Variants in RPH3A observed in about 807,000 individuals in gnomAD.
The protein encoded by RPH3A is rabphilin-3A.
In RPH3A, 48 loss-of-function variants were observed where a neutral mutation model predicts 102.2. That is an observed-to-expected ratio of 0.47 (90% CI 0.37 to 0.60). The LOEUF (loss-of-function observed/expected upper bound fraction) is 0.60. Among genes scored for constraint, RPH3A ranks in the 20% least tolerant of loss-of-function variants. RPH3A has a pLI of 0.00. For missense variants in RPH3A, 781 were observed against 910.1 expected, an observed-to-expected ratio of 0.86 and a Z score of 1.83; for synonymous variants, 310 against 324.3, an observed-to-expected ratio of 0.96 and a Z score of 0.47.
chr12:112,764,561 G>A (rs1192016001), intron 1 of RPH3A, among the ~76,000 whole-genome samples: 1 of 152,122 alleles, frequency 6.6e-6, no homozygotes, highest in Non-Finnish European at 1.5e-5. Context: ...GTCCTTTCTA[G>A]TCTGCTGGCC....
chr12:112,732,016 T>A (rs568336982), intron 1 of RPH3A, among the ~76,000 whole-genome samples: 2 of 152,256 alleles, frequency 1.3e-5, no homozygotes, highest in African/African-American at 4.8e-5. Context: ...CAGATAACTA[T>A]GTTTGATTAA....
intron 10 of RPH3A, among the ~76,000 whole-genome samples, chr12:112,874,476 C>T (rs936430092): frequency 6.6e-6 from 1 of 152,150 alleles, no homozygotes; most frequent in Admixed American, 6.5e-5. Context: ...ACATGGTAAG[C>T]ACTAAATAAG....
intron 5 of RPH3A, among the ~76,000 whole-genome samples, chr12:112,854,380 A>C (rs886322284): frequency 2.6e-5 from 4 of 152,270 alleles, no homozygotes; most frequent in Admixed American, 2.6e-4. Context: ...GACAACTCTT[A>C]TTGGCATCAT....
intron 5 of RPH3A, among the ~76,000 whole-genome samples, chr12:112,854,135 A>G (rs2042371077): frequency 6.6e-6 from 1 of 152,126 alleles, no homozygotes; most frequent in African/African-American, 2.4e-5. Context: ...TACATTGTCA[A>G]CTGTTCAGCA....
intron 2 of RPH3A, among the ~76,000 whole-genome samples, chr12:112,811,004 G>C (rs536662871): frequency 1.3e-5 from 2 of 152,050 alleles, no homozygotes; most frequent in African/African-American, 2.4e-5. Context: ...AAGAGAGAGC[G>C]AGAGGGAGTC....
chr12:112,787,715 A>C (rs2041061098), upstream of RPH3A, among the ~76,000 whole-genome samples: 2 of 152,230 alleles, frequency 1.3e-5, no homozygotes, highest in African/African-American at 2.4e-5. Flanking sequence ...TCTCAGTTTC[A>C]TAGAACAGAA....
intron 1 of RPH3A, among the ~76,000 whole-genome samples, chr12:112,774,746 G>C (rs934368191): frequency 2.6e-5 from 4 of 152,034 alleles, no homozygotes; most frequent in African/African-American, 9.7e-5. Flanking sequence ...ATGGACACAG[G>C]GAGGGGAACA....
intron 10 of RPH3A, among the ~76,000 whole-genome samples, chr12:112,870,682 G>A (rs929259734): frequency 1.4e-4 from 21 of 152,108 alleles, no homozygotes; most frequent in African/African-American, 5.1e-4. Flanking sequence ...AGTCAGATTG[G>A]CTGAATATTT....
chr12:112,619,742 T>C (rs1314145165), intron 1 of RPH3A, among the ~76,000 whole-genome samples: 3 of 152,140 alleles, frequency 2.0e-5, no homozygotes, highest in Non-Finnish European at 4.4e-5. Context: ...TCCTAGTGAG[T>C]ATGAAGTCTG....
intron 1 of RPH3A, among the ~76,000 whole-genome samples, chr12:112,677,395 CTCCCTCCCTCCCTCCTTCCCTCCT>C (rs2040185664): frequency 1.5e-5 from 1 of 67,222 alleles, no homozygotes; most frequent in African/African-American, 5.3e-5. Flanking sequence ...CCCTCCCTCC[CTCCCTCCCTCCCTCCTTCCCTCCT>C]TCCTTCCTTC....
chr12:112,653,247 G>T (rs1231745780), intron 1 of RPH3A, among the ~76,000 whole-genome samples: 1 of 151,526 alleles, frequency 6.6e-6, no homozygotes, highest in Non-Finnish European at 1.5e-5. Flanking sequence ...AAATTAGCCT[G>T]TATTCCCAGC....
Position 112,890,891 on chromosome 12 carries a change from C to T in RPH3A, c.1663C>T (p.Leu555=). The change falls in exon 19 of 22, where the codon CTG becomes TTG. Residue 555 remains leucine, a synonymous_variant. Transcript: ENST00000389385. ...VGDIEERGKI[L]VSLMYSTQQG... ...TGACATCGAGGAGCGTGGCAAGATC[C>T]TGGTCTCCCTCATGTACAGCACACA... 1 of 1,614,052 alleles carries T rather than the reference C, an allele frequency of 6.2e-7. No homozygotes were observed. Among genetic ancestry groups the T allele is most frequent in the Non-Finnish European group, 8.5e-7 (1 of 1,179,978 alleles).
At chr12:112,786,196 T>A (rs1480420215) in intron 1 of RPH3A, among the ~76,000 whole-genome samples, 1 of 152,044 alleles carries the variant, frequency 6.6e-6, no homozygotes, top group Non-Finnish European at 1.5e-5. Context: ...AACGTGGAAT[T>A]GACTGATTAA....
At chr12:112,787,399 C>T (rs1469559813), upstream of RPH3A, among the ~76,000 whole-genome samples, 2 of 152,216 alleles carry the variant, frequency 1.3e-5, no homozygotes, top group African/African-American at 4.8e-5. Context: ...ACACCCCATT[C>T]TCCCCCTCTT....
At chr12:112,836,657 C>T (rs1161052827) in intron 4 of RPH3A, among the ~76,000 whole-genome samples, 155 bp downstream of exon 4, 1 of 151,710 alleles carries the variant, frequency 6.6e-6, no homozygotes, top group Non-Finnish European at 1.5e-5. Flanking sequence ...AAAAAACACC[C>T]ACACCCATCT....
intron 1 of RPH3A, among the ~76,000 whole-genome samples, chr12:112,769,089 T>C (rs2040911004): frequency 6.6e-6 from 1 of 152,224 alleles, no homozygotes; most frequent in South Asian, 2.1e-4. Context: ...TCCTAGTACC[T>C]AGCACAGTGC....
In RPH3A at chr12:112,773,367, C is replaced by T. The variant is rs563718378; in HGVS notation, c.-139-18776C>T. On this transcript the variant is annotated intron_variant, in intron 1 of 21. Transcript: ENST00000543106. Reference sequence around the variant, plus strand: ...GTTCCTTGGTGCAGAAAAGATCCCCCCTCCTTTTCCATTACAGGGCCTGAC... The same window carrying T: ...GTTCCTTGGTGCAGAAAAGATCCCCTCTCCTTTTCCATTACAGGGCCTGAC... Among the ~76,000 whole-genome samples, 244 of 152,140 alleles carry T rather than the reference C, an allele frequency of 1.6e-3. 1 individual carries two copies. Among genetic ancestry groups the T allele is most frequent in the South Asian group, 8.5e-3 (41 of 4,814 alleles).
chr12:112,636,405 T>C (rs1429398340), intron 1 of RPH3A, among the ~76,000 whole-genome samples: 1 of 152,204 alleles, frequency 6.6e-6, no homozygotes, highest in Non-Finnish European at 1.5e-5. Flanking sequence ...ACATTTTATA[T>C]AGAACAGTGT....
intron 2 of RPH3A, among the ~76,000 whole-genome samples, chr12:112,803,389 C>A (rs1328979306): frequency 6.6e-6 from 1 of 152,050 alleles, no homozygotes; most frequent in African/African-American, 2.4e-5. Context: ...TGTCCATGTG[C>A]TTCTTCATGG....
Sources: allele counts gnomAD v4.1 joint callset (sites outside exome capture counted in the v4.1 genomes callset), GRCh38; gene constraint gnomAD v4.1.1; transcripts MANE v1.5; gene names NCBI Gene and HGNC (gene_info 2026-07-23, HGNC 2026-07-21).